Variants in OPCML observed in about 807,000 individuals in gnomAD.
OPCML encodes the protein opioid-binding protein/cell adhesion molecule.
Under a neutral mutation model 37.8 loss-of-function variants are expected in OPCML, and 13 were observed. That is an observed-to-expected ratio of 0.34 (90% CI 0.22 to 0.55). The LOEUF is 0.55. OPCML is among the 20% of genes least tolerant of loss of function. OPCML has a pLI of 0.91. For missense variants in OPCML, 341 were observed against 435.6 expected, an observed-to-expected ratio of 0.78 and a Z score of 1.93; for synonymous variants, 176 against 168.8, an observed-to-expected ratio of 1.04 and a Z score of -0.33.
intron 1 of OPCML, among the ~76,000 whole-genome samples, chr11:133,405,338 C>T (rs909224607): frequency 2.0e-5 from 3 of 152,176 alleles, no homozygotes; most frequent in African/African-American, 4.8e-5. Context: ...CTGTGTCTTG[C>T]GGCCACAGAT....
intron 1 of OPCML, among the ~76,000 whole-genome samples, chr11:133,373,424 A>AATATATAT (rs57417327): frequency 0.12 from 14,409 of 117,396 alleles, 1,205 homozygotes; most frequent in Non-Finnish European, 0.18. Context: ...ACTTAATTAA[A>AATATATAT]ATATATATAT....
chr11:133,453,148 C>T (rs554952610), intron 1 of OPCML, among the ~76,000 whole-genome samples: 1 of 152,242 alleles, frequency 6.6e-6, no homozygotes, highest in African/African-American at 2.4e-5. Flanking sequence ...GAAATCAAAA[C>T]AATTCATATT....
chr11:133,325,081 G>A (rs1407734110), intron 1 of OPCML, among the ~76,000 whole-genome samples: 1 of 152,158 alleles, frequency 6.6e-6, no homozygotes, highest in Non-Finnish European at 1.5e-5. Context: ...GAGGGGAGAC[G>A]AAGGTCTTGG....
At chr11:132,437,002 C>T (rs968422929) in intron 5 of OPCML, 2 of 878,392 alleles carry the variant, frequency 2.3e-6, no homozygotes, top group African/African-American at 3.6e-5. Context: ...AACCCATTCT[C>T]AGTTAACAAT....
In OPCML at chr11:132,991,758, G is replaced by A. The variant is rs564991177; in HGVS notation, c.62-48748C>T. ...CCCAGTGCCTTCATTTGCTGGGTGG[G>A]AAATGTGGCCACCCCAAGGTTGATT... On this transcript the variant is annotated intron_variant, in intron 1 of 7. Transcript: ENST00000524381. 2.6e-5 allele frequency among the ~76,000 whole-genome samples: 4 copies of A among 152,288 alleles called. No homozygotes were observed. The East Asian group carries it at 5.8e-4, about 22-fold the overall frequency.
At chr11:132,834,978 T>C (rs1591675307) in intron 2 of OPCML, among the ~76,000 whole-genome samples, 1 of 120,896 alleles carries the variant, frequency 8.3e-6, no homozygotes. Context: ...CCCCGGGTGG[T>C]GGCACTTTGT....
chr11:133,511,553 CCTT>C (rs1416401322), intron 1 of OPCML, among the ~76,000 whole-genome samples: 1 of 152,142 alleles, frequency 6.6e-6, no homozygotes, highest in Non-Finnish European at 1.5e-5. Flanking sequence ...ACCAGCCAGT[CCTT>C]CTGCCTGGAA....
At chr11:133,443,800 C>G (rs1351885280) in intron 1 of OPCML, among the ~76,000 whole-genome samples, 1 of 151,862 alleles carries the variant, frequency 6.6e-6, no homozygotes, top group East Asian at 1.9e-4. Context: ...ACAGCACACA[C>G]CCTGTGTTTA....
At chr11:132,520,674 A>ATG (rs1555144701) in intron 4 of OPCML, among the ~76,000 whole-genome samples, 26,382 of 127,978 alleles carry the variant, frequency 0.21, 3,449 homozygotes, top group East Asian at 0.49. Flanking sequence ...CTAAATATAT[A>ATG]TGTGTGTGTG....
At chr11:133,368,168 T>C (rs1163099772) in intron 1 of OPCML, among the ~76,000 whole-genome samples, 1 of 145,826 alleles carries the variant, frequency 6.9e-6, no homozygotes. Flanking sequence ...GTTAGTCCAA[T>C]GTGAAAGCGA....
intron 1 of OPCML, among the ~76,000 whole-genome samples, chr11:133,039,593 G>A (rs1004481175): frequency 6.6e-6 from 1 of 152,158 alleles, no homozygotes; most frequent in African/African-American, 2.4e-5. Flanking sequence ...GTGTCTGGGT[G>A]GGCATTACAA....
chr11:133,448,462 G>GT (rs1490265089), intron 1 of OPCML, among the ~76,000 whole-genome samples: 7 of 151,728 alleles, frequency 4.6e-5, no homozygotes, highest in Admixed American at 2.6e-4. Context: ...AGTGTTTTTT[G>GT]TTTTTTTGTT....
At chr11:132,491,892 A>C (rs1317536734) in intron 4 of OPCML, among the ~76,000 whole-genome samples, 1 of 149,882 alleles carries the variant, frequency 6.7e-6, no homozygotes, top group Non-Finnish European at 1.5e-5. Context: ...AGGAACTTGG[A>C]GATATTGTAG....
At chr11:132,853,576 C>A (rs1041994033) in intron 2 of OPCML, among the ~76,000 whole-genome samples, 4 of 152,140 alleles carry the variant, frequency 2.6e-5, no homozygotes, top group African/African-American at 9.7e-5. Flanking sequence ...TACTATCACC[C>A]CACAAAAAAA....
intron 1 of OPCML, among the ~76,000 whole-genome samples, chr11:133,239,255 G>A (rs755058833): frequency 2.0e-4 from 31 of 152,260 alleles, no homozygotes; most frequent in African/African-American, 4.8e-4. Context: ...GAGCTGCTTG[G>A]TGGAGATGTC....
At chr11:132,698,627 T>C (rs1943693358) in intron 2 of OPCML, among the ~76,000 whole-genome samples, 1 of 152,224 alleles carries the variant, frequency 6.6e-6, no homozygotes, top group African/African-American at 2.4e-5. Flanking sequence ...GTATATGTCT[T>C]TTAGTTTGAT....
chr11:132,676,111 G>T (rs1356295404), intron 2 of OPCML, among the ~76,000 whole-genome samples: 1 of 152,148 alleles, frequency 6.6e-6, no homozygotes, highest in East Asian at 1.9e-4. Flanking sequence ...CAATGGAATA[G>T]AATTGAGAAT....
intron 1 of OPCML, among the ~76,000 whole-genome samples, chr11:133,040,532 A>T (rs764093293): frequency 6.6e-6 from 1 of 152,114 alleles, no homozygotes; most frequent in African/African-American, 2.4e-5. Flanking sequence ...TCCTGCATGC[A>T]TGTGTCAGGA....
At chr11:133,314,151 C>T (rs1015657361) in intron 1 of OPCML, among the ~76,000 whole-genome samples, 8 of 132,538 alleles carry the variant, frequency 6.0e-5, no homozygotes, top group Admixed American at 1.8e-4. Context: ...AGGAGAATGG[C>T]GTGAACCCAG....
Sources: allele counts gnomAD v4.1 joint callset (sites outside exome capture counted in the v4.1 genomes callset), GRCh38; gene constraint gnomAD v4.1.1; transcripts MANE v1.5; gene names NCBI Gene and HGNC (gene_info 2026-07-23, HGNC 2026-07-21).